DACH2: variants seen among roughly 807,000 people sequenced by gnomAD.
DACH2 encodes dachshund homolog 2.
In DACH2, 17 loss-of-function variants were observed where a neutral mutation model predicts 35.8. That is an observed-to-expected ratio of 0.48 (90% CI 0.33 to 0.71). The LOEUF (loss-of-function observed/expected upper bound fraction) is 0.71, where lower values mean the gene tolerates loss of function less well. DACH2 is among the 30% of genes least tolerant of loss of function. DACH2 has a pLI of 0.02. For missense variants in DACH2, 469 were observed against 472.7 expected (o/e 0.99, Z 0.07); for synonymous variants, 195 against 177.3 (o/e 1.10, Z -0.79).
At chrX:86,491,541 A>G (rs1286138152) in intron 2 of DACH2, among the ~76,000 whole-genome samples, 2 of 111,827 alleles carry the variant, frequency 1.8e-5, no homozygotes, top group Non-Finnish European at 3.8e-5. Context: ...AAATATTTTC[A>G]TAGCATTTTC....
intron 3 of DACH2, among the ~76,000 whole-genome samples, chrX:86,610,356 TTC>T (rs1202458567): frequency 1.0e-5 from 1 of 99,543 alleles, no homozygotes; most frequent in East Asian, 3.6e-4. Flanking sequence ...CCTTCCTTCC[TTC>T]CTTCCTCTTT....
intron 2 of DACH2, among the ~76,000 whole-genome samples, chrX:86,447,208 A>T (rs2037301300): frequency 1.1e-5 from 1 of 94,357 alleles, no homozygotes; most frequent in African/African-American, 3.9e-5. Context: ...CTTTGTCAGA[A>T]GAGTAGGTTG....
At chrX:86,796,738 T>C (rs2042242828) in intron 7 of DACH2, among the ~76,000 whole-genome samples, 1 of 112,020 alleles carries the variant, frequency 8.9e-6, no homozygotes, top group Admixed American at 9.5e-5. Flanking sequence ...TCGTTGAATT[T>C]TGTAGGGCTT....
chrX:86,758,162 A>T (rs1046434224), intron 7 of DACH2, among the ~76,000 whole-genome samples: 1 of 111,210 alleles, frequency 9.0e-6, no homozygotes, highest in Non-Finnish European at 1.9e-5. Context: ...GTTCCTGGTT[A>T]ATGTAGCAAG....
chrX:86,779,926 A>G (rs770097527), intron 7 of DACH2, among the ~76,000 whole-genome samples: 57 of 111,425 alleles, frequency 5.1e-4, no homozygotes, highest in African/African-American at 1.8e-3. Flanking sequence ...GGCACCAGCC[A>G]TTAGGTTGTT....
chrX:86,816,093 A>T lies in DACH2; in HGVS notation c.1744A>T (p.Met582Leu). The T allele has an allele frequency of 8.6e-7, 1 of 1,168,799 alleles. No homozygotes were observed. The highest frequency in any genetic ancestry group is 1.1e-6 in the Non-Finnish European group (1 of 872,871). The change falls in exon 11 of 12, where the codon ATG becomes TTG. Residue 582 changes from methionine to leucine, a missense_variant. By Grantham distance (15) the Met-to-Leu change is conservative. Transcript: ENST00000373125. Reference protein sequence around the residue: ...NNGTPHDSAAMQGGNYYCLEM... With the variant: ...NNGTPHDSAALQGGNYYCLEM... ...TGGGACTCCTCATGATAGTGCTGCT[A>T]TGCAAGGTACAGTCAACTGAAAACT... is the stretch of plus-strand genomic sequence containing the variant.
chrX:86,339,067 G>C (rs1455520312), intron 1 of DACH2, among the ~76,000 whole-genome samples: 1 of 111,712 alleles, frequency 9.0e-6, no homozygotes, highest in African/African-American at 3.3e-5. Context: ...AATTGAGGCA[G>C]TAATTAATAG....
chrX:86,467,986 G>A (rs940777350), intron 2 of DACH2, among the ~76,000 whole-genome samples: 3 of 111,192 alleles, frequency 2.7e-5, no homozygotes, highest in Non-Finnish European at 5.7e-5. Context: ...GAACTACAAT[G>A]CAAGATGAGA....
chrX:86,814,926 GA>G, intron 10 of DACH2, 92 bp downstream of exon 10: 1 of 958,212 alleles, frequency 1.0e-6, no homozygotes, highest in Non-Finnish European at 1.4e-6. Flanking sequence ...GAGGAAGGCA[GA>G]AAGAAAGGAA....
rs149900388 is a variant in DACH2, at chrX:86,233,725, C to A, written c.488+84617C>A. On this transcript the variant is annotated intron_variant, in intron 1 of 11. Coordinates refer to ENST00000373125, the MANE Select transcript of DACH2 (RefSeq NM_053281.3). Reference sequence around the variant, plus strand: ...AAGAGGTTTAGTTGGACTTACAGTTCCACATGGTTGGGGAGGCCTCAGAAT... The same window carrying A: ...AAGAGGTTTAGTTGGACTTACAGTTACACATGGTTGGGGAGGCCTCAGAAT... Among the ~76,000 whole-genome samples the A allele has an allele frequency of 1.5e-3, 172 of 111,760 alleles. 4 individuals carry two copies. In the East Asian group the frequency reaches 0.024, roughly 15 times the overall value.
chrX:86,410,528 G>C (rs1308402616), intron 2 of DACH2, among the ~76,000 whole-genome samples: 1 of 111,352 alleles, frequency 9.0e-6, no homozygotes, highest in Non-Finnish European at 1.9e-5. Context: ...TTTCCACTCT[G>C]GGGGTACAGG....
At chrX:86,678,805 G>C (rs1569465742) in intron 4 of DACH2, among the ~76,000 whole-genome samples, 1 of 112,239 alleles carries the variant, frequency 8.9e-6, no homozygotes, top group Non-Finnish European at 1.9e-5. Context: ...ATATTTTCTA[G>C]AATAGGTAGC....
At chrX:86,760,399 C>CT (rs2041868595) in intron 7 of DACH2, among the ~76,000 whole-genome samples, 1 of 111,619 alleles carries the variant, frequency 9.0e-6, no homozygotes, top group South Asian at 3.7e-4. Context: ...TTTTTCAATT[C>CT]TTTTTTCTTT....
intron 1 of DACH2, among the ~76,000 whole-genome samples, chrX:86,343,271 G>C (rs1399786718): frequency 9.0e-6 from 1 of 111,701 alleles, no homozygotes; most frequent in Non-Finnish European, 1.9e-5. Flanking sequence ...GCTTCTGGTG[G>C]AGAGATGTTT....
chrX:86,792,868 C>A (rs768314045), intron 7 of DACH2, among the ~76,000 whole-genome samples: 1 of 111,716 alleles, frequency 9.0e-6, no homozygotes, highest in African/African-American at 3.2e-5. Context: ...ATATTGATTT[C>A]TTTTCCTTTA....
At chrX:86,801,006 G>T (rs1016229192) in intron 7 of DACH2, among the ~76,000 whole-genome samples, 32 of 110,304 alleles carry the variant, frequency 2.9e-4, no homozygotes, top group African/African-American at 1.0e-3. Flanking sequence ...ATATTACACA[G>T]GACAAGAAAA....
At chrX:86,388,852 G>A (rs1040110211) in intron 2 of DACH2, among the ~76,000 whole-genome samples, 9 of 111,528 alleles carry the variant, frequency 8.1e-5, no homozygotes, top group Non-Finnish European at 1.5e-4. Context: ...GGTGTTGGTC[G>A]GAGTCAGAAA....
intron 1 of DACH2, among the ~76,000 whole-genome samples, chrX:86,318,886 G>A (rs182055394): frequency 2.4e-3 from 266 of 111,827 alleles, no homozygotes; most frequent in Non-Finnish European, 4.1e-3. Flanking sequence ...TTTCCAAAAC[G>A]ATGAGTCAAA....
intron 1 of DACH2, among the ~76,000 whole-genome samples, chrX:86,274,312 T>G (rs1462270568): frequency 9.0e-6 from 1 of 110,732 alleles, no homozygotes; most frequent in African/African-American, 3.3e-5. Flanking sequence ...GTTCCAAAAC[T>G]TTATGGAAAT....
Sources: gnomAD v4.1 joint callset for allele counts (sites outside exome capture counted in the v4.1 genomes callset) on GRCh38, gnomAD v4.1.1 for gene constraint, MANE v1.5 for transcripts, NCBI Gene and HGNC (gene_info 2026-07-23, HGNC 2026-07-21) for gene names.